PLCE1: variants seen among roughly 807,000 people sequenced by gnomAD.
The protein encoded by PLCE1 is phospholipase C epsilon 1.
In PLCE1, 119 loss-of-function variants were observed where a neutral mutation model predicts 242.8. That is an observed-to-expected ratio of 0.49 (90% confidence interval 0.42 to 0.57). The LOEUF is 0.57. PLCE1 is among the 20% of genes least tolerant of loss of function. PLCE1 has a pLI of 0.00. For synonymous variants in PLCE1, 945 were observed against 1,017.4 expected (o/e 0.93, Z 1.35); for missense variants, 2,441 against 2,788.8 (o/e 0.88, Z 2.81).
chr10:94,228,672 A>T (rs972344781), intron 5 of PLCE1, among the ~76,000 whole-genome samples: 1 of 152,038 alleles, frequency 6.6e-6, no homozygotes, highest in African/African-American at 2.4e-5. Context: ...AGGAGATGAA[A>T]ACTCCCAGAG....
At chr10:94,197,279 C>T (rs897299987) in intron 4 of PLCE1, among the ~76,000 whole-genome samples, 1 of 152,124 alleles carries the variant, frequency 6.6e-6, no homozygotes, top group Non-Finnish European at 1.5e-5. Flanking sequence ...TTGGCCATTA[C>T]AAATAGTGCT....
chr10:94,083,998 G>A (rs541501842), intron 2 of PLCE1, among the ~76,000 whole-genome samples: 2 of 152,144 alleles, frequency 1.3e-5, no homozygotes, highest in African/African-American at 2.4e-5. Context: ...TTATTGGGAG[G>A]ATTAAAGGAG....
chr10:94,297,152 G>A (rs2133511522), intron 23 of PLCE1, among the ~76,000 whole-genome samples: 1 of 152,310 alleles, frequency 6.6e-6, no homozygotes, highest in Admixed American at 6.5e-5. Context: ...GCAGGCATGA[G>A]CCACCGTGAC....
chr10:94,314,860 C>G (rs1054291226), intron 28 of PLCE1: 3 of 152,392 alleles, frequency 2.0e-5, no homozygotes, highest in African/African-American at 7.2e-5. Context: ...GAAAACAGCT[C>G]AGGTGTCACA....
chr10:94,099,880 T>C (rs1191485568), intron 2 of PLCE1: 2 of 152,176 alleles, frequency 1.3e-5, no homozygotes, highest in African/African-American at 4.8e-5. Flanking sequence ...ACTAGATGAA[T>C]GGGGTGTTAA....
At chr10:94,139,956 T>C (rs1294838380) in intron 3 of PLCE1, among the ~76,000 whole-genome samples, 2 of 152,214 alleles carry the variant, frequency 1.3e-5, no homozygotes, top group Non-Finnish European at 1.5e-5. Flanking sequence ...GCCCTCTGTG[T>C]TCCTCCAATT....
chr10:94,163,412 G>C (rs1400948958), intron 3 of PLCE1, among the ~76,000 whole-genome samples: 8 of 152,112 alleles, frequency 5.3e-5, no homozygotes, highest in African/African-American at 2.4e-5. Flanking sequence ...ATTATGTAAT[G>C]GCCTTCTTTG....
At chr10:94,324,746 G>A (rs2053946538) in intron 31 of PLCE1, 146 bp from the exon 32 acceptor site, 1 of 974,738 alleles carries the variant, frequency 1.0e-6, no homozygotes. Flanking sequence ...CGAGCTTGCG[G>A]TTAAGCAGTC....
intron 1 of PLCE1, among the ~76,000 whole-genome samples, chr10:93,999,161 G>T (rs2060884909): frequency 6.6e-6 from 1 of 152,302 alleles, no homozygotes; most frequent in Admixed American, 6.5e-5. Context: ...GCAGTCAGGA[G>T]TGAGAAGAAA....
intron 13 of PLCE1, among the ~76,000 whole-genome samples, chr10:94,260,794 G>C (rs1191091572): frequency 6.6e-6 from 1 of 152,054 alleles, no homozygotes; most frequent in African/African-American, 2.4e-5. Context: ...TTCCCAAAGT[G>C]CAGGGATCTT....
chr10:94,092,187 T>A (rs1055966758), intron 2 of PLCE1, among the ~76,000 whole-genome samples: 8 of 152,292 alleles, frequency 5.3e-5, no homozygotes, highest in East Asian at 1.9e-4. Context: ...GAATTTTTTT[T>A]AAAAAAGGTT....
At chr10:94,201,692 G>A (rs992875049) in intron 4 of PLCE1, among the ~76,000 whole-genome samples, 2 of 152,120 alleles carry the variant, frequency 1.3e-5, no homozygotes, top group African/African-American at 4.8e-5. Context: ...TGTTAGCCAG[G>A]ATGGTCTCGA....
intron 19 of PLCE1, among the ~76,000 whole-genome samples, chr10:94,274,226 G>T (rs969348960): frequency 6.6e-6 from 1 of 152,154 alleles, no homozygotes; most frequent in Non-Finnish European, 1.5e-5. Flanking sequence ...CGGCTCAAAG[G>T]TCTGTGAAAA....
At chr10:94,156,180 C>T (rs890606272) in intron 3 of PLCE1, among the ~76,000 whole-genome samples, 1 of 152,138 alleles carries the variant, frequency 6.6e-6, no homozygotes, top group South Asian at 2.1e-4. Context: ...TGGGGTTTTC[C>T]ATACCAAGAA....
In PLCE1 at chr10:94,273,611, T is replaced by A. The variant is rs931524881; in HGVS notation, c.4556T>A (p.Phe1519Tyr). The A allele has an allele frequency of 5.0e-6, 8 of 1,613,666 alleles. No homozygotes were observed. In the African/African-American group the frequency reaches 1.1e-4, roughly 22 times the overall value. ...ACTAAATTCTTATTTGAGACTGATT[T>A]CTCAGATGATCCAATGCTTCCTTCA... ...LVTKFLFETD[F>Y]SDDPMLPSPD... Residue 1519 changes from phenylalanine to tyrosine, a missense_variant, in exon 19 of 33, where the codon TTC becomes TAC. Physicochemically the swap from Phe to Tyr is conservative, Grantham distance 22. This residue lies in a region of PLCE1 where 1,004 missense variants were observed against 1,322.7 expected (regional missense o/e 0.76). Coordinates refer to ENST00000371380, the MANE Select transcript of PLCE1 (RefSeq NM_016341.4).
At chr10:94,043,194 G>A (rs2134662336) in intron 2 of PLCE1, among the ~76,000 whole-genome samples, 1 of 152,248 alleles carries the variant, frequency 6.6e-6, no homozygotes, top group Non-Finnish European at 1.5e-5. Flanking sequence ...TGAGGCACCT[G>A]GAGGAAAAAC....
intron 28 of PLCE1, among the ~76,000 whole-genome samples, chr10:94,314,080 C>A (rs1259762248): frequency 6.6e-6 from 1 of 152,150 alleles, no homozygotes; most frequent in Non-Finnish European, 1.5e-5. Context: ...TCCGAAGGAT[C>A]TTTGTGGCCT....
At chr10:94,204,689 C>T (rs946479832) in intron 4 of PLCE1, among the ~76,000 whole-genome samples, 2 of 119,958 alleles carry the variant, frequency 1.7e-5, no homozygotes, top group Non-Finnish European at 3.4e-5. Context: ...GAAAGATACA[C>T]AGGAAGAAAG....
chr10:94,236,463 G>A (rs1188675484), intron 7 of PLCE1, among the ~76,000 whole-genome samples: 1 of 151,746 alleles, frequency 6.6e-6, no homozygotes, highest in Non-Finnish European at 1.5e-5. Flanking sequence ...CCTAGTTTTT[G>A]TAACAGTGGT....
Sources: gnomAD v4.1 joint callset for allele counts (sites outside exome capture counted in the v4.1 genomes callset) on GRCh38, gnomAD v4.1.1 for gene constraint, gnomAD v4.1.1 regional missense constraint, MANE v1.5 for transcripts, NCBI Gene and HGNC (gene_info 2026-07-23, HGNC 2026-07-21) for gene names.